FBLN2: variants seen among roughly 807,000 people sequenced by gnomAD.
The protein encoded by FBLN2 is fibulin-2.
A neutral mutation model predicts 123.7 loss-of-function variants in FBLN2; 81 were observed. The ratio of observed to expected loss-of-function variants is 0.65; its 90% confidence interval spans 0.55 to 0.79. FBLN2 has a LOEUF of 0.79. Ranked by LOEUF, FBLN2 falls within the 30% of genes least tolerant of loss-of-function variation. The probability of loss-of-function intolerance (pLI) is 0.00; values close to 1 mark genes in which losing one functional copy is unlikely to be tolerated. For missense variants in FBLN2, 1,603 were observed against 1,681.3 expected (o/e 0.95, Z 0.81); for synonymous variants, 699 against 701.4 (o/e 1.00, Z 0.05).
chr3:13,614,609 C>CCAT (rs1705521439), intron 5 of FBLN2, among the ~76,000 whole-genome samples: 3 of 86,110 alleles, frequency 3.5e-5, no homozygotes, highest in African/African-American at 2.2e-4. Flanking sequence ...CATCCATCCA[C>CCAT]CCATCCACCC....
intron 2 of FBLN2, among the ~76,000 whole-genome samples, chr3:13,579,107 A>G (rs1033950724): frequency 2.6e-5 from 4 of 152,172 alleles, no homozygotes; most frequent in African/African-American, 9.6e-5. Flanking sequence ...ACCATTTTAC[A>G]TTCCCACCGG....
At position 13,631,341 on chromosome 3, in the gene FBLN2, GT is replaced by G; in HGVS notation, c.3099del (p.Cys1033TrpfsTer31). 1 of 1,603,150 alleles carries G rather than the reference GT, an allele frequency of 6.2e-7. No individual in the cohort carries two copies. Among genetic ancestry groups the G allele is most frequent in the Non-Finnish European group, 8.5e-7 (1 of 1,175,428 alleles). ...DGHTCTDIDECAQGAGILCTF... is the reference protein window; with the variant it reads ...DGHTCTDIDEXAQGAGILCTF... ...CTCTCTCTGACAGACATCGACGAGT[GT>G]GCTCAAGGCGCCGGCATCCTCTGCA... On this transcript the variant is annotated frameshift_variant, in exon 16 of 18. Coordinates refer to ENST00000404922, the MANE Select transcript of FBLN2 (RefSeq NM_001004019.2). LOFTEE classifies it high-confidence loss of function.
chr3:13,612,340 T>TTTCTTTCTTTC (rs367582176), intron 4 of FBLN2, among the ~76,000 whole-genome samples: 4 of 62,316 alleles, frequency 6.4e-5, no homozygotes, highest in African/African-American at 3.3e-4. Flanking sequence ...TCTTTCTTTC[T>TTTCTTTCTTTC]TTTCTTTCTT....
intron 2 of FBLN2, among the ~76,000 whole-genome samples, chr3:13,602,950 G>A (rs181302301): frequency 1.4e-3 from 206 of 144,350 alleles, no homozygotes; most frequent in Admixed American, 5.5e-3. Context: ...TTGCTCTGTC[G>A]CCCAGGCTGG....
Position 13,549,169 on chromosome 3 carries a change from G to A in FBLN2, c.-81G>A. The A allele has an allele frequency of 1.0e-6, 1 of 982,856 alleles. No homozygotes were observed. The highest frequency in any genetic ancestry group is 1.2e-6 in the Non-Finnish European group (1 of 828,990). 60.9% of individuals were successfully genotyped at this position (982,856 alleles called of 1,614,324 possible). A position where few individuals can be genotyped will look rare whatever the true frequency, so the allele number is the denominator to read the frequency against. ...CCGGGCTCTCGACGCGCCGACGGCC[G>A]GGCGGACGGACGGACGGACGCCGAG... On this transcript the variant is annotated 5_prime_UTR_variant, in exon 1 of 18. Transcript: ENST00000404922.
intron 2 of FBLN2, among the ~76,000 whole-genome samples, chr3:13,601,291 G>A (rs1878170): frequency 0.55 from 83,586 of 152,088 alleles, 23,187 homozygotes; most frequent in East Asian, 0.65. Flanking sequence ...TCCTGTAGAA[G>A]AATGTTGTGA....
At chr3:13,567,800 T>TA (rs35691211) in intron 1 of FBLN2, among the ~76,000 whole-genome samples, 122,499 of 151,700 alleles carry the variant, frequency 0.81, 49,976 homozygotes, top group East Asian at 1. Flanking sequence ...AGACCCTTGT[T>TA]AAAAAAAATT....
At chr3:13,594,387 C>A in intron 2 of FBLN2, among the ~76,000 whole-genome samples, 1 of 152,018 alleles carries the variant, frequency 6.6e-6, no homozygotes, top group East Asian at 1.9e-4. Context: ...TCTTTCTGGG[C>A]GGGGCAGAGG....
chr3:13,623,122 A>G (rs922901110), intron 9 of FBLN2, among the ~76,000 whole-genome samples: 2 of 152,194 alleles, frequency 1.3e-5, no homozygotes, highest in African/African-American at 4.8e-5. Flanking sequence ...TGCTGCAGAC[A>G]TGTTTGCCCT....
intron 2 of FBLN2, among the ~76,000 whole-genome samples, chr3:13,595,161 A>G (rs1704800718): frequency 6.6e-6 from 1 of 152,178 alleles, no homozygotes. Context: ...AGCTCTGCCA[A>G]GCCTGAGATC....
intron 1 of FBLN2, among the ~76,000 whole-genome samples, chr3:13,557,003 G>A (rs561089766): frequency 1.3e-5 from 2 of 152,368 alleles, no homozygotes; most frequent in South Asian, 2.1e-4. Flanking sequence ...TCGAAATGAG[G>A]CCCGCCACAT....
intron 2 of FBLN2, among the ~76,000 whole-genome samples, chr3:13,579,208 T>C (rs985621358): frequency 1.3e-5 from 2 of 152,230 alleles, no homozygotes; most frequent in African/African-American, 4.8e-5. Context: ...GTGGTTTAGA[T>C]TGCAATTCCC....
chr3:13,575,810 C>T (rs1051835278), intron 2 of FBLN2, among the ~76,000 whole-genome samples: 18 of 152,136 alleles, frequency 1.2e-4, no homozygotes, highest in Admixed American at 5.2e-4. Flanking sequence ...TTACACACTC[C>T]ACCCACAACA....
rs765554820 is a variant in FBLN2, at chr3:13,570,700, G to A, written c.345G>A (p.Pro115=). The A allele has an allele frequency of 3.4e-5, 54 of 1,591,364 alleles. No homozygotes were observed. The highest frequency in any genetic ancestry group is 1.9e-4 in the Admixed American group (11 of 57,836). ...TCAGCTGCCAGTTCATGCTGTGCCC[G>A]GAGCTGCCGCCCAACTGCATCGAGG... The part of the protein sequence containing the change: ...GKISCQFMLC[P]ELPPNCIEAV... The change falls in exon 2 of 18, where the codon CCG becomes CCA. Residue 115 remains proline (P), a synonymous_variant. Transcript: ENST00000404922.
intron 2 of FBLN2, among the ~76,000 whole-genome samples, chr3:13,586,664 A>ATTTTTTTTT: frequency 8.0e-6 from 1 of 124,820 alleles, no homozygotes. Context: ...TGCCCAGCTA[A>ATTTTTTTTT]TTTTTTTTTT....
At chr3:13,608,485 C>G (rs1276026620) in intron 3 of FBLN2, among the ~76,000 whole-genome samples, 1 of 152,208 alleles carries the variant, frequency 6.6e-6, no homozygotes, top group African/African-American at 2.4e-5. Flanking sequence ...GTCGGGTGCT[C>G]CCCTCACCAC....
At chr3:13,620,561 C>T (rs544155296) in intron 8 of FBLN2, among the ~76,000 whole-genome samples, 1 of 152,322 alleles carries the variant, frequency 6.6e-6, no homozygotes, top group South Asian at 2.1e-4. Context: ...GGCCAGGACC[C>T]CCCACTGTAA....
At chr3:13,613,048 G>C (rs1186400683) in intron 4 of FBLN2, among the ~76,000 whole-genome samples, 1 of 152,176 alleles carries the variant, frequency 6.6e-6, no homozygotes, top group African/African-American at 2.4e-5. Context: ...GGATGGCCTT[G>C]GCTGGGATGA....
chr3:13,616,859 G>A (rs1242274486), intron 5 of FBLN2, among the ~76,000 whole-genome samples: 2 of 152,182 alleles, frequency 1.3e-5, no homozygotes, highest in Admixed American at 6.5e-5. Context: ...GCACAGAGAG[G>A]CCTAGTGCTG....
Sources: gnomAD v4.1 joint callset for allele counts (sites outside exome capture counted in the v4.1 genomes callset) on GRCh38, gnomAD v4.1.1 for gene constraint, MANE v1.5 for transcripts, NCBI Gene and HGNC (gene_info 2026-07-23, HGNC 2026-07-21) for gene names.